The following SGCG variants were observed in gnomAD, a reference collection of about 807,000 sequenced individuals.
The protein encoded by SGCG is gamma-sarcoglycan.
Under a neutral mutation model 29.3 loss-of-function variants are expected in SGCG, and 26 were observed. That is an observed-to-expected ratio of 0.89 (90% CI 0.65 to 1.23). SGCG has a LOEUF of 1.23. Ranked by LOEUF, SGCG falls within the 50% of genes most tolerant of loss-of-function variation. SGCG has a pLI of 0.00. For synonymous variants in SGCG, 145 were observed against 129.7 expected (o/e 1.12, Z -0.80); for missense variants, 353 against 356.0 (o/e 0.99, Z 0.07).
rs1883181405 is a variant in SGCG, at chr13:23,324,903, A to C, written c.*362A>C. 2.8e-6 allele frequency: 1 copy of C among 357,012 alleles called. No homozygotes were observed. Among genetic ancestry groups the C allele is most frequent in the South Asian group, 2.2e-5 (1 of 45,720 alleles). The allele number at this position is 357,012 out of a possible 1,614,324, so 22.1% of individuals were successfully genotyped here. A position where few individuals can be genotyped will look rare whatever the true frequency, so the allele number is the denominator to read the frequency against. ...GTTAATGTATGACGCTCCACTGTGG[A>C]TATCTAATGCCCTGTTGAGAGTAGC... On this transcript the variant is annotated 3_prime_UTR_variant, in exon 8 of 8. Transcript: ENST00000218867.
At chr13:23,248,683 G>C (rs1236720589) in intron 3 of SGCG, among the ~76,000 whole-genome samples, 1 of 143,270 alleles carries the variant, frequency 7.0e-6, no homozygotes, top group Admixed American at 7.3e-5. Context: ...GGCGGAACTA[G>C]ACTCCGTCTC....
chr13:23,262,166 CA>C (rs1343501291), intron 4 of SGCG, among the ~76,000 whole-genome samples: 1 of 151,952 alleles, frequency 6.6e-6, no homozygotes, highest in Non-Finnish European at 1.5e-5. Flanking sequence ...TCTCAATATT[CA>C]CATTGAATGT....
intron 1 of SGCG, among the ~76,000 whole-genome samples, chr13:23,198,908 A>T (rs1045311517): frequency 1.3e-5 from 2 of 150,956 alleles, no homozygotes; most frequent in African/African-American, 4.9e-5. Flanking sequence ...GGAGATCGAG[A>T]CCATCCTGGC....
chr13:23,283,201 A>G (rs984538732), intron 5 of SGCG, among the ~76,000 whole-genome samples: 1 of 152,088 alleles, frequency 6.6e-6, no homozygotes, highest in Non-Finnish European at 1.5e-5. Flanking sequence ...TAATGTGTCT[A>G]ATATTGACAG....
At chr13:23,288,702 T>C (rs1001778814) in intron 5 of SGCG, among the ~76,000 whole-genome samples, 14 of 152,166 alleles carry the variant, frequency 9.2e-5, no homozygotes, top group Admixed American at 2.6e-4. Context: ...TTACAGAACA[T>C]ACTATTGGAA....
At position 23,279,305 on chromosome 13, in the gene SGCG, A is replaced by T. The variant is rs1881211111; in HGVS notation, c.386-54A>T. The T allele has an allele frequency of 2.5e-6, 4 of 1,577,464 alleles. No individual in the cohort carries two copies. In the East Asian group the frequency reaches 9.1e-5, roughly 36 times the overall value. On this transcript the variant is annotated intron_variant, in intron 4 of 7. Coordinates refer to ENST00000218867, the MANE Select transcript of SGCG (RefSeq NM_000231.3). ...TGACGTGGCATGTGTAAAAATAGAG[A>T]TTTGGACACTGCTTGTAGTGAACAG...
At chr13:23,252,608 G>A (rs768055883) in intron 4 of SGCG, among the ~76,000 whole-genome samples, 1 of 152,030 alleles carries the variant, frequency 6.6e-6, no homozygotes, top group African/African-American at 2.4e-5. Context: ...GGAGAATGGC[G>A]TGAACCCGGG....
At chr13:23,318,283 T>A (rs1318534982) in intron 6 of SGCG, among the ~76,000 whole-genome samples, 3 of 151,730 alleles carry the variant, frequency 2.0e-5, no homozygotes, top group African/African-American at 7.3e-5. Flanking sequence ...CAATCAACTG[T>A]GAGATCTCTC....
rs565709714 is a variant in SGCG at position 23,306,833 on chromosome 13, G to A, written c.578+11346G>A. Among the ~76,000 whole-genome samples, 4 of 152,262 alleles carry A rather than the reference G, an allele frequency of 2.6e-5. 1 individual carries two copies. The highest frequency in any genetic ancestry group is 9.6e-5 in the African/African-American group (4 of 41,560). ...ATTCAACAACTGGAAACAGTTTCAG[G>A]ATTGAAAGTTTCATCCAGTAACAGA... On this transcript the variant is annotated intron_variant, in intron 6 of 7. Coordinates refer to ENST00000218867, the MANE Select transcript of SGCG (RefSeq NM_000231.3).
At chr13:23,286,894 T>G (rs1050265058) in intron 5 of SGCG, among the ~76,000 whole-genome samples, 1 of 152,214 alleles carries the variant, frequency 6.6e-6, no homozygotes, top group African/African-American at 2.4e-5. Context: ...TTCTGGAATT[T>G]TCCATTTAAT....
intron 1 of SGCG, among the ~76,000 whole-genome samples, chr13:23,200,987 T>G (rs1877726875): frequency 6.6e-6 from 1 of 151,848 alleles, no homozygotes; most frequent in African/African-American, 2.4e-5. Context: ...CTGAGTGAAA[T>G]GGGAAGCCAC....
chr13:23,202,072 G>A (rs1877789978), intron 1 of SGCG, among the ~76,000 whole-genome samples: 1 of 152,176 alleles, frequency 6.6e-6, no homozygotes, highest in Non-Finnish European at 1.5e-5. Flanking sequence ...AGGTCCTGGG[G>A]TGAGAATTAG....
chr13:23,207,777 A>G (rs1443058992), intron 2 of SGCG, among the ~76,000 whole-genome samples: 1 of 152,192 alleles, frequency 6.6e-6, no homozygotes, highest in African/African-American at 2.4e-5. Context: ...CAAGATGGCT[A>G]TTATCAAAAA....
intron 2 of SGCG, among the ~76,000 whole-genome samples, chr13:23,212,413 T>G (rs2137514221): frequency 6.6e-6 from 1 of 152,322 alleles, no homozygotes; most frequent in South Asian, 2.1e-4. Flanking sequence ...GTTAAATGTC[T>G]GCTAACCCCG....
Position 23,219,533 on chromosome 13 carries a change from G to A in SGCG, c.196-15078G>A, listed in dbSNP as rs573425648. 9.5e-4 allele frequency among the ~76,000 whole-genome samples: 145 copies of A among 152,108 alleles called. 1 individual carries two copies. The highest frequency in any genetic ancestry group is 3.5e-3 in the African/African-American group (144 of 41,502). ...AATTTTTCTTCCTCTAGAAGAGGAG[G>A]ATATTTTTTAGGTTTATTTTATTTT... On this transcript the variant is annotated intron_variant, in intron 2 of 7. Coordinates refer to ENST00000218867, the MANE Select transcript of SGCG (RefSeq NM_000231.3).
intron 3 of SGCG, chr13:23,245,514 A>G (rs1879674584): frequency 6.6e-6 from 1 of 152,212 alleles, no homozygotes; most frequent in African/African-American, 2.4e-5. Flanking sequence ...ACGAGCCAGG[A>G]ATGCCACTAT....
chr13:23,295,508 A>G lies in SGCG; in HGVS notation c.578+21A>G, dbSNP rs1282456235. On this transcript the variant is annotated intron_variant, in intron 6 of 7. Coordinates refer to ENST00000218867, the MANE Select transcript of SGCG (RefSeq NM_000231.3). ...CTTAGGTAAGAATTTTTGTTCAAAT[A>G]TTAACAACCTCTCCTGTAGAAGACA... 5.2e-6 allele frequency: 8 copies of G among 1,526,786 alleles called. No individual in the cohort carries two copies. In the African/African-American group the frequency reaches 8.2e-5, roughly 16 times the overall value. The allele number at this position is 1,526,786 out of a possible 1,614,324, so 94.6% of individuals were successfully genotyped here. A position where few individuals can be genotyped will look rare whatever the true frequency, so the allele number is the denominator to read the frequency against.
chr13:23,174,321 A>G, the SGCG span, among the ~76,000 whole-genome samples: 25 of 152,216 alleles, frequency 1.6e-4, no homozygotes, highest in Non-Finnish European at 3.1e-4. Flanking sequence ...TACAATGGTC[A>G]TGATTACTAC....
intron 5 of SGCG, among the ~76,000 whole-genome samples, chr13:23,281,843 C>T (rs907433695): frequency 4.6e-5 from 7 of 152,208 alleles, no homozygotes; most frequent in African/African-American, 1.7e-4. Flanking sequence ...TCACCTCCTG[C>T]TGTGAGGCCC....
Sources: gnomAD v4.1 joint callset for allele counts (sites outside exome capture counted in the v4.1 genomes callset) on GRCh38, gnomAD v4.1.1 for gene constraint, MANE v1.5 for transcripts, NCBI Gene and HGNC (gene_info 2026-07-23, HGNC 2026-07-21) for gene names.